The following ERC2 variants were observed in gnomAD, a reference collection of about 807,000 sequenced individuals.
The protein encoded by ERC2 is ELKS/RAB6-interacting/CAST family member 2, also known as ERC protein 2.
A neutral mutation model predicts 114.8 loss-of-function variants in ERC2; 42 were observed. The observed-to-expected ratio is 0.37, with a 90% CI of 0.29 to 0.47. The LOEUF is 0.47. Ranked by LOEUF, ERC2 falls within the 20% of genes least tolerant of loss-of-function variation. ERC2 has a pLI of 0.99. For synonymous variants in ERC2, 454 were observed against 425.5 expected, an observed-to-expected ratio of 1.07 and a Z score of -0.82; for missense variants, 939 against 1,150.7, an observed-to-expected ratio of 0.82 and a Z score of 2.66.
At chr3:55,970,417 T>C (rs1576404084) in intron 12 of ERC2, among the ~76,000 whole-genome samples, 1 of 151,932 alleles carries the variant, frequency 6.6e-6, no homozygotes, top group East Asian at 1.9e-4. Context: ...AAATTACTAA[T>C]ATACAAGAAA....
chr3:55,543,984 T>C (rs1215582167), intron 17 of ERC2, among the ~76,000 whole-genome samples: 3 of 152,222 alleles, frequency 2.0e-5, no homozygotes, highest in East Asian at 1.9e-4. Context: ...CAGGAGTCCA[T>C]CCAGATGATG....
chr3:55,783,055 C>T (rs913515472), intron 14 of ERC2, among the ~76,000 whole-genome samples: 3 of 152,208 alleles, frequency 2.0e-5, no homozygotes, highest in Non-Finnish European at 4.4e-5. Flanking sequence ...CAGAATGGGG[C>T]ACTTTCCTTA....
intron 12 of ERC2, among the ~76,000 whole-genome samples, chr3:55,971,083 A>C (rs1313897733): frequency 6.6e-6 from 1 of 152,164 alleles, no homozygotes; most frequent in South Asian, 2.1e-4. Context: ...GAAGTCAGTC[A>C]CACAAAAACA....
intron 17 of ERC2, among the ~76,000 whole-genome samples, chr3:55,644,711 G>A (rs957722148): frequency 6.6e-6 from 1 of 151,702 alleles, no homozygotes; most frequent in African/African-American, 2.4e-5. Flanking sequence ...GTTTGGTGTA[G>A]ATTTGGGGTT....
chr3:56,340,542 A>ATG (rs10690369), intron 2 of ERC2, among the ~76,000 whole-genome samples: 8,282 of 141,402 alleles, frequency 0.059, 307 homozygotes, highest in African/African-American at 0.099. Flanking sequence ...GAGAGAGTGA[A>ATG]TGTGTGTGTG....
intron 6 of ERC2, among the ~76,000 whole-genome samples, chr3:56,116,971 C>T (rs994462582): frequency 6.6e-6 from 1 of 152,180 alleles, no homozygotes; most frequent in African/African-American, 2.4e-5. Context: ...AATGCTTATT[C>T]TCACCCTTTA....
chr3:55,635,862 A>AT (rs1427320050), intron 17 of ERC2, among the ~76,000 whole-genome samples: 1 of 150,170 alleles, frequency 6.7e-6, no homozygotes, highest in African/African-American at 2.5e-5. Context: ...TTTTATTTTT[A>AT]TTTTATTTTA....
intron 14 of ERC2, among the ~76,000 whole-genome samples, chr3:55,823,524 C>T (rs546296843): frequency 1.1e-4 from 17 of 152,074 alleles, no homozygotes; most frequent in Admixed American, 1.1e-3. Context: ...CCCTCCTCCT[C>T]CTCACCCCCA....
At chr3:55,850,005 C>G (rs1000768080) in intron 14 of ERC2, among the ~76,000 whole-genome samples, 2 of 152,192 alleles carry the variant, frequency 1.3e-5, no homozygotes, top group Non-Finnish European at 2.9e-5. Flanking sequence ...GAGTTGGTTC[C>G]TTCTGGAGGC....
chr3:55,606,049 A>G (rs951380953), intron 17 of ERC2, among the ~76,000 whole-genome samples: 2 of 152,208 alleles, frequency 1.3e-5, no homozygotes, highest in Admixed American at 6.5e-5. Context: ...CCAATGCCCT[A>G]TGGTCTCTGT....
At chr3:56,173,281 A>G (rs1294965414) in intron 4 of ERC2, among the ~76,000 whole-genome samples, 165 bp downstream of exon 4, 1 of 152,208 alleles carries the variant, frequency 6.6e-6, no homozygotes, top group African/African-American at 2.4e-5. Flanking sequence ...TAAAGGACCA[A>G]TACATTAAAT....
intron 15 of ERC2, among the ~76,000 whole-genome samples, chr3:55,728,733 C>G (rs1421318787): frequency 6.6e-6 from 1 of 152,184 alleles, no homozygotes; most frequent in African/African-American, 2.4e-5. Flanking sequence ...CAGTGCAGGC[C>G]AAGAGTTGGG....
intron 3 of ERC2, among the ~76,000 whole-genome samples, chr3:56,211,471 A>C (rs1438801536): frequency 6.6e-6 from 1 of 152,182 alleles, no homozygotes; most frequent in Non-Finnish European, 1.5e-5. Flanking sequence ...AACAAATGGA[A>C]ACATATCCCA....
intron 6 of ERC2, among the ~76,000 whole-genome samples, chr3:56,109,482 T>G (rs943539080): frequency 6.6e-6 from 1 of 152,176 alleles, no homozygotes; most frequent in African/African-American, 2.4e-5. Context: ...GCAATGAACA[T>G]TCACATGCAT....
At chr3:55,905,287 G>C (rs1054795507) in intron 13 of ERC2, among the ~76,000 whole-genome samples, 2 of 152,162 alleles carry the variant, frequency 1.3e-5, no homozygotes, top group African/African-American at 4.8e-5. Context: ...CACCATGTTA[G>C]TCAGGTTGGT....
chr3:56,348,007 T>C (rs534877063), intron 2 of ERC2, among the ~76,000 whole-genome samples: 1 of 152,322 alleles, frequency 6.6e-6, no homozygotes, highest in South Asian at 2.1e-4. Flanking sequence ...TGTTTGTATT[T>C]CTTGAACACT....
chr3:55,509,481 C>A lies in ERC2; in HGVS notation c.*1835G>T, dbSNP rs1240068352. Reference sequence around the variant, plus strand: ...TACTTCTCTAACCAAGACCTAGATCCCTCTGATAGTTAAAGGACAAACTTT... The same window carrying A: ...TACTTCTCTAACCAAGACCTAGATCACTCTGATAGTTAAAGGACAAACTTT... On this transcript the variant is annotated 3_prime_UTR_variant, in exon 18 of 18. Coordinates refer to ENST00000288221, the MANE Select transcript of ERC2 (RefSeq NM_015576.3). The A allele has an allele frequency of 6.6e-6, 1 of 152,428 alleles. No homozygotes were observed. Among genetic ancestry groups the A allele is most frequent in the Non-Finnish European group, 1.5e-5 (1 of 68,034 alleles). The allele number at this position is 152,428 out of a possible 1,614,324, so 9.4% of individuals were successfully genotyped here.
At chr3:55,744,577 A>T (rs2066189487) in intron 14 of ERC2, among the ~76,000 whole-genome samples, 1 of 152,178 alleles carries the variant, frequency 6.6e-6, no homozygotes, top group Non-Finnish European at 1.5e-5. Context: ...TTGCTTTCAG[A>T]CCGATTGCGG....
intron 2 of ERC2, among the ~76,000 whole-genome samples, chr3:56,314,946 C>T (rs1387376277): frequency 6.6e-6 from 1 of 152,200 alleles, no homozygotes; most frequent in Non-Finnish European, 1.5e-5. Flanking sequence ...CTGCAGAGGG[C>T]ATGTTACCAC....
Sources: gnomAD v4.1 joint callset for allele counts (sites outside exome capture counted in the v4.1 genomes callset) on GRCh38, gnomAD v4.1.1 for gene constraint, MANE v1.5 for transcripts, NCBI Gene and HGNC (gene_info 2026-07-23, HGNC 2026-07-21) for gene names.